Variants in REPS2 observed in about 807,000 individuals in gnomAD.
REPS2 encodes RALBP1 associated Eps domain containing 2, also known as ralBP1-associated Eps domain-containing protein 2.
A neutral mutation model predicts 53.6 loss-of-function variants in REPS2; 23 were observed. The ratio of observed to expected loss-of-function variants is 0.43; its 90% CI spans 0.31 to 0.61. The LOEUF (loss-of-function observed/expected upper bound fraction) is 0.61, where lower values mean the gene tolerates loss of function less well. Among genes scored for constraint, REPS2 ranks in the 20% least tolerant of loss-of-function variants. The pLI is 0.11. For missense variants in REPS2, 446 were observed against 534.9 expected (o/e 0.83, Z 1.64); for synonymous variants, 238 against 218.6 (o/e 1.09, Z -0.78).
intron 13 of REPS2, among the ~76,000 whole-genome samples, chrX:17,101,276 A>G (rs2062796551): frequency 9.2e-6 from 1 of 108,825 alleles, no homozygotes; most frequent in Non-Finnish European, 1.9e-5. Flanking sequence ...GTTAGCCAGG[A>G]TGGTCTCGAT....
At chrX:16,969,748 G>T (rs2060857407) in intron 1 of REPS2, among the ~76,000 whole-genome samples, 1 of 91,398 alleles carries the variant, frequency 1.1e-5, no homozygotes, top group African/African-American at 4.1e-5. Context: ...TGGGGAGAGG[G>T]AGACCGAGAG....
chrX:17,195,452 C>T, the REPS2 span, among the ~76,000 whole-genome samples: 2 of 111,960 alleles, frequency 1.8e-5, no homozygotes, highest in Non-Finnish European at 3.8e-5. Flanking sequence ...AAATGTTGAG[C>T]ACCTTGGCAG....
intron 13 of REPS2, among the ~76,000 whole-genome samples, chrX:17,101,251 A>G (rs1266851964): frequency 9.3e-6 from 1 of 108,049 alleles, no homozygotes; most frequent in African/African-American, 3.4e-5. Flanking sequence ...TTTAGTAGAG[A>G]TGGGGTTTCA....
intron 14 of REPS2, among the ~76,000 whole-genome samples, chrX:17,114,631 G>A (rs1253140660): frequency 8.9e-6 from 1 of 112,307 alleles, no homozygotes; most frequent in African/African-American, 3.2e-5. Flanking sequence ...AGAATAAAAT[G>A]ACCTTTGGAA....
At chrX:17,194,541 A>G in the REPS2 span, among the ~76,000 whole-genome samples, 1 of 112,230 alleles carries the variant, frequency 8.9e-6, no homozygotes, top group East Asian at 2.8e-4. Flanking sequence ...AATTTTAGAA[A>G]TGGAAAACAG....
intron 13 of REPS2, among the ~76,000 whole-genome samples, chrX:17,083,895 T>A (rs2062495599): frequency 1.8e-5 from 2 of 111,300 alleles, no homozygotes; most frequent in South Asian, 3.8e-4. Flanking sequence ...TTGTTTTTTT[T>A]AAATGAAAGC....
rs1372711699 is a variant in REPS2, at chrX:17,115,472, C to T, written c.1578+11693C>T. On this transcript the variant is annotated intron_variant, in intron 14 of 17. Transcript: ENST00000357277. Reference sequence around the variant, plus strand: ...ACCGAGACATTCCATTGCCCAGGGACGGGCAGGAGACAGATGCCTTCCTCT... The same window carrying T: ...ACCGAGACATTCCATTGCCCAGGGATGGGCAGGAGACAGATGCCTTCCTCT... Among the ~76,000 whole-genome samples the T allele has an allele frequency of 1.5e-3, 162 of 111,383 alleles. 1 individual carries two copies. Among genetic ancestry groups the T allele is most frequent in the Non-Finnish European group, 1.9e-3 (102 of 52,955 alleles).
At chrX:17,146,679 A>G (rs1432443174) in intron 17 of REPS2, among the ~76,000 whole-genome samples, 2 of 111,759 alleles carry the variant, frequency 1.8e-5, no homozygotes, top group Non-Finnish European at 3.8e-5. Context: ...CATGTGAATA[A>G]ATACTTGTGA....
At chrX:17,113,503 C>T (rs1053544071) in intron 14 of REPS2, among the ~76,000 whole-genome samples, 4 of 110,990 alleles carry the variant, frequency 3.6e-5, no homozygotes, top group East Asian at 2.8e-4. Flanking sequence ...GTTGTAGAAT[C>T]GGTTCATAGA....
At position 17,047,438 on chromosome X, in the gene REPS2, A is replaced by G. The variant is rs199512015; in HGVS notation, c.863A>G (p.Asn288Ser). The G allele has an allele frequency of 9.1e-6, 11 of 1,208,287 alleles. No homozygotes were observed. The highest frequency in any genetic ancestry group is 2.3e-4 in the Middle Eastern group (1 of 4,353). The part of the protein sequence containing the change: ...ITEEQREYYV[N>S]QFRSLQPDPS... ...GAAGAACAGCGCGAGTACTATGTCA[A>G]TCAGTTCCGATCCCTTCAGCCAGAC... The change falls in exon 6 of 18, where the codon AAT (asparagine) becomes AGT (serine). Residue 288 changes from asparagine (N) to serine (S), a missense_variant. Transcript: ENST00000357277.
intron 14 of REPS2, among the ~76,000 whole-genome samples, chrX:17,115,839 G>A (rs2063045851): frequency 8.9e-6 from 1 of 111,788 alleles, no homozygotes; most frequent in African/African-American, 3.3e-5. Flanking sequence ...GAGAGCACGG[G>A]GTTGGGGGTA....
At chrX:17,047,158 A>C (rs753425300) in intron 5 of REPS2, among the ~76,000 whole-genome samples, 189 bp from the exon 6 acceptor site, 8 of 112,104 alleles carry the variant, frequency 7.1e-5, no homozygotes, top group Non-Finnish European at 1.3e-4. Context: ...AATACAAAAA[A>C]TACATAAAGC....
chrX:16,973,431 A>G (rs781347638), intron 1 of REPS2, among the ~76,000 whole-genome samples: 1 of 111,873 alleles, frequency 8.9e-6, no homozygotes, highest in Non-Finnish European at 1.9e-5. Flanking sequence ...ATTTGTGACA[A>G]ATATTTGATT....
At chrX:17,082,981 C>T (rs113873390) in intron 13 of REPS2, among the ~76,000 whole-genome samples, 108 of 111,129 alleles carry the variant, frequency 9.7e-4, no homozygotes, top group African/African-American at 3.4e-3. Context: ...GGTTACCTAT[C>T]TCAATCTTCC....
At chrX:16,976,961 A>G (rs997510391) in intron 1 of REPS2, among the ~76,000 whole-genome samples, 6 of 111,761 alleles carry the variant, frequency 5.4e-5, no homozygotes, top group African/African-American at 2.0e-4. Flanking sequence ...ATGGTCTGTA[A>G]TAGGAGACAC....
At chrX:17,097,929 C>G (rs2062727598) in intron 13 of REPS2, among the ~76,000 whole-genome samples, 1 of 111,539 alleles carries the variant, frequency 9.0e-6, no homozygotes, top group South Asian at 3.7e-4. Context: ...AAAGAAAACT[C>G]CGGGCTCAGG....
chrX:17,181,668 G>T, the REPS2 span, among the ~76,000 whole-genome samples: 2 of 112,446 alleles, frequency 1.8e-5, no homozygotes, highest in Non-Finnish European at 3.8e-5. Flanking sequence ...TTGATCCATA[G>T]TTAGCTTTAT....
intron 1 of REPS2, among the ~76,000 whole-genome samples, chrX:16,968,970 G>A (rs2060832857): frequency 9.0e-6 from 1 of 110,974 alleles, no homozygotes; most frequent in Non-Finnish European, 1.9e-5. Flanking sequence ...CTTCTCAGAC[G>A]GGGCGGCTGC....
chrX:16,948,801 T>C (rs2060472562), intron 1 of REPS2, among the ~76,000 whole-genome samples: 2 of 111,923 alleles, frequency 1.8e-5, no homozygotes, highest in African/African-American at 6.5e-5. Flanking sequence ...GATGTCCAGT[T>C]GAAATCTGCT....
Sources: allele counts gnomAD v4.1 joint callset (sites outside exome capture counted in the v4.1 genomes callset), GRCh38; gene constraint gnomAD v4.1.1; transcripts MANE v1.5; gene names NCBI Gene and HGNC (gene_info 2026-07-23, HGNC 2026-07-21).